Variants in TTBK2 observed in about 807,000 individuals in gnomAD.
TTBK2 encodes tau tubulin kinase 2, also known as tau-tubulin kinase 2.
TTBK2 carries 28 observed loss-of-function variants against 110.8 expected under a neutral mutation model. The observed-to-expected ratio is 0.25, with a 90% CI of 0.19 to 0.35. The LOEUF (loss-of-function observed/expected upper bound fraction) is 0.35, where lower values mean the gene tolerates loss of function less well. Among genes scored for constraint, TTBK2 ranks in the 10% least tolerant of loss-of-function variants. The pLI, the probability that TTBK2 is intolerant of heterozygous loss-of-function variation, is 1.00. For synonymous variants in TTBK2, 532 were observed against 527.3 expected, an observed-to-expected ratio of 1.01 and a Z score of -0.12; for missense variants, 1,369 against 1,500.3, an observed-to-expected ratio of 0.91 and a Z score of 1.45.
intron 1 of TTBK2, among the ~76,000 whole-genome samples, chr15:42,901,780 C>T (rs1158887520): frequency 3.3e-5 from 5 of 152,066 alleles, no homozygotes. Flanking sequence ...ACTCCTAAAA[C>T]TCAATCAACA....
At chr15:42,792,707 G>C (rs1890747407) in intron 10 of TTBK2, among the ~76,000 whole-genome samples, 1 of 152,116 alleles carries the variant, frequency 6.6e-6, no homozygotes, top group South Asian at 2.1e-4. Context: ...TTCTGGCAGG[G>C]GTAGGTGAGG....
intron 5 of TTBK2, among the ~76,000 whole-genome samples, chr15:42,829,244 T>A (rs1804100707): frequency 6.6e-6 from 1 of 152,180 alleles, no homozygotes. Context: ...AAAAAGCCTA[T>A]TTCACACTTA....
rs754413598 is a variant in TTBK2, at chr15:42,802,379, A to G, written c.823-7578T>C. ...TGGGGGCCAGAGGTGGACACCTTGT[A>G]GGACTTCCGGGTCACCCTGATGGAC... On this transcript the variant is annotated intron_variant, in intron 9 of 14. Transcript: ENST00000267890. The G allele has an allele frequency of 1.6e-5, 12 of 760,008 alleles. No homozygotes were observed. The Admixed American group carries it at 2.1e-4, about 13-fold the overall frequency. 47.1% of individuals were successfully genotyped at this position (760,008 alleles called of 1,614,324 possible). A position where few individuals can be genotyped will look rare whatever the true frequency, so the allele number is the denominator to read the frequency against.
At chr15:42,789,428 T>C (rs1432827156) in intron 10 of TTBK2, among the ~76,000 whole-genome samples, 1 of 152,174 alleles carries the variant, frequency 6.6e-6, no homozygotes, top group Admixed American at 6.5e-5. Flanking sequence ...TGATAGGATC[T>C]CCTTCTTTTT....
chr15:42,805,459 G>C (rs1429902233), intron 9 of TTBK2, among the ~76,000 whole-genome samples: 2 of 152,190 alleles, frequency 1.3e-5, no homozygotes, highest in Admixed American at 6.5e-5. Flanking sequence ...GCAGTGTTAT[G>C]AAACAGAGGC....
chr15:42,889,585 C>A (rs1301777271), intron 1 of TTBK2, among the ~76,000 whole-genome samples: 1 of 152,206 alleles, frequency 6.6e-6, no homozygotes, highest in African/African-American at 2.4e-5. Context: ...GCTAAACCCC[C>A]TTGGGCAGTC....
At chr15:42,840,468 A>T in intron 3 of TTBK2, 35 bp from the exon 4 acceptor site, 1 of 1,561,664 alleles carries the variant, frequency 6.4e-7, no homozygotes, top group Non-Finnish European at 8.8e-7. Flanking sequence ...AAAAGAATAT[A>T]CTATGGTTTC....
At chr15:42,755,011 G>GAAAAAAAAAAAAAAAAAAAA (rs71431863) in intron 13 of TTBK2, among the ~76,000 whole-genome samples, 1 of 69,848 alleles carries the variant, frequency 1.4e-5, no homozygotes, top group African/African-American at 6.2e-5. Flanking sequence ...TCCATCTCAG[G>GAAAAAAAAAAAAAAAAAAAA]AAAAAAAAAA....
intron 3 of TTBK2, among the ~76,000 whole-genome samples, chr15:42,864,657 T>G (rs1225972601): frequency 6.6e-6 from 1 of 152,022 alleles, no homozygotes; most frequent in Non-Finnish European, 1.5e-5. Flanking sequence ...AAATTATCCT[T>G]CAGAAATGAA....
intron 13 of TTBK2, among the ~76,000 whole-genome samples, chr15:42,755,011 G>GAAAAAAA (rs71431863): frequency 1.4e-5 from 1 of 69,846 alleles, no homozygotes; most frequent in East Asian, 4.7e-4. Context: ...TCCATCTCAG[G>GAAAAAAA]AAAAAAAAAA....
In TTBK2 at chr15:42,745,647, TTA is replaced by T; in HGVS notation, c.*146_*147del. Reference sequence around the variant, plus strand: ...GCCTTAGGTAATTCCTTATCATGTATTATGTCTTCTTATAAATAATTGATCAT... The same window carrying T: ...GCCTTAGGTAATTCCTTATCATGTATTGTCTTCTTATAAATAATTGATCAT... On this transcript the variant is annotated 3_prime_UTR_variant, in exon 15 of 15. Coordinates refer to ENST00000267890, the MANE Select transcript of TTBK2 (RefSeq NM_173500.4). The T allele has an allele frequency of 1.0e-6, 1 of 963,730 alleles. No homozygotes were observed. The highest frequency in any genetic ancestry group is 1.6e-6 in the Non-Finnish European group (1 of 611,956). 59.7% of individuals were successfully genotyped at this position (963,730 alleles called of 1,614,324 possible).
intron 1 of TTBK2, among the ~76,000 whole-genome samples, chr15:42,918,926 C>A (rs1350139105): frequency 6.6e-6 from 1 of 152,158 alleles, no homozygotes; most frequent in African/African-American, 2.4e-5. Context: ...AACCAATGTA[C>A]AAATTTGCAT....
intron 13 of TTBK2, among the ~76,000 whole-genome samples, chr15:42,756,724 C>T (rs2061952272): frequency 6.6e-6 from 1 of 151,920 alleles, no homozygotes; most frequent in Non-Finnish European, 1.5e-5. Context: ...AAAAGAGTGG[C>T]AATTTTATAC....
chr15:42,756,530 G>GAGACC (rs1180740294), intron 13 of TTBK2, among the ~76,000 whole-genome samples: 1 of 152,154 alleles, frequency 6.6e-6, no homozygotes, highest in East Asian at 1.9e-4. Context: ...AGGTTGCAGT[G>GAGACC]AGCCAAGATC....
chr15:42,883,365 G>A lies in TTBK2; in HGVS notation c.-67-4681C>T, dbSNP rs200167872. The stretch of plus-strand genomic sequence containing the variant: ...GCACTACAGCCTGGGTGACAAGAGC[G>A]AAACTCCACCTCAAAAAAAAAAAAA... On this transcript the variant is annotated intron_variant, in intron 1 of 14. Transcript: ENST00000267890. Among the ~76,000 whole-genome samples, 67 of 123,692 alleles carry A rather than the reference G, an allele frequency of 5.4e-4. No individual in the cohort carries two copies. In the East Asian group the frequency reaches 0.014, roughly 25 times the overall value. The allele number at this position is 123,692 out of a possible 152,430, so 81.1% of individuals were successfully genotyped here. A position where few individuals can be genotyped will look rare whatever the true frequency, so the allele number is the denominator to read the frequency against.
intron 9 of TTBK2, chr15:42,801,410 G>T: frequency 8.8e-7 from 1 of 1,139,188 alleles, no homozygotes; most frequent in Non-Finnish European, 1.3e-6. Context: ...CGGTATCTGC[G>T]TGGCAGCCTC....
chr15:42,903,846 TTCTC>T (rs918926591), intron 1 of TTBK2, among the ~76,000 whole-genome samples: 1 of 152,212 alleles, frequency 6.6e-6, no homozygotes, highest in African/African-American at 2.4e-5. Flanking sequence ...CTTGCTCACA[TTCTC>T]TCTCTCTGGC....
intron 9 of TTBK2, among the ~76,000 whole-genome samples, chr15:42,807,020 T>TAG (rs1891497796): frequency 6.6e-6 from 1 of 152,162 alleles, no homozygotes; most frequent in Non-Finnish European, 1.5e-5. Context: ...CTCAACCTTG[T>TAG]AGCATCTATG....
At position 42,746,126 on chromosome 15, in the gene TTBK2, T is replaced by C; in HGVS notation, c.3404A>G (p.His1135Arg). 6.2e-7 allele frequency: 1 copy of C among 1,614,102 alleles called. No homozygotes were observed. The highest frequency in any genetic ancestry group is 1.1e-5 in the South Asian group (1 of 91,076). ...ACTCTTGGGTGGTGTTTTTGGATTG[T>C]GAGGAGATCCTGGACTCTTGCACTG... ...TTQCKSPGSP[H>R]NPKTPPKSPV... is the part of the protein sequence containing the mutation. The change falls in exon 15 of 15, where the codon CAC (histidine) becomes CGC (arginine). Residue 1135 changes from histidine to arginine, a missense_variant. His to Arg is a conservative substitution (Grantham distance 29). This residue lies in a region of TTBK2 where 1,097 missense variants were observed against 1,114.7 expected (regional missense o/e 0.98). Coordinates refer to ENST00000267890, the MANE Select transcript of TTBK2 (RefSeq NM_173500.4).
Sources: allele counts gnomAD v4.1 joint callset (sites outside exome capture counted in the v4.1 genomes callset), GRCh38; gene constraint gnomAD v4.1.1; regional missense constraint gnomAD v4.1.1; transcripts MANE v1.5; gene names NCBI Gene and HGNC (gene_info 2026-07-23, HGNC 2026-07-21).